ZNF600: variants seen among roughly 807,000 people sequenced by gnomAD.
The protein encoded by ZNF600 is zinc finger protein 600.
Under a neutral mutation model 7.3 loss-of-function variants are expected in ZNF600, and 4 were observed. The ratio of observed to expected loss-of-function variants is 0.55; its 90% CI spans 0.27 to 1.25. ZNF600 has a LOEUF of 1.25. ZNF600 is among the 50% of genes most tolerant of loss of function. The pLI is 0.12. For synonymous variants in ZNF600, 290 were observed against 308.9 expected, an observed-to-expected ratio of 0.94 and a Z score of 0.64; for missense variants, 911 against 922.1, an observed-to-expected ratio of 0.99 and a Z score of 0.16.
the ZNF600 span, among the ~76,000 whole-genome samples, chr19:52,833,039 G>C: frequency 6.6e-6 from 1 of 152,132 alleles, no homozygotes. Flanking sequence ...CCAAAGTGCT[G>C]GGATTACAGG....
At chr19:52,777,000 A>T (rs1384287391) in intron 2 of ZNF600, among the ~76,000 whole-genome samples, 2 of 151,936 alleles carry the variant, frequency 1.3e-5, no homozygotes, top group African/African-American at 4.8e-5. Flanking sequence ...AAACAAATTA[A>T]AAAATAAAGT....
chr19:52,822,614 A>T, the ZNF600 span, among the ~76,000 whole-genome samples: 72 of 152,316 alleles, frequency 4.7e-4, no homozygotes, highest in East Asian at 0.013. Context: ...TTTCAAGATA[A>T]ACACTAATCA....
chr19:52,796,404 C>T, the ZNF600 span, among the ~76,000 whole-genome samples: 1 of 152,144 alleles, frequency 6.6e-6, no homozygotes, highest in Non-Finnish European at 1.5e-5. Flanking sequence ...GCTTCCGGGT[C>T]ACAGGTAGAT....
At chr19:52,774,369 C>T (rs764095254) in intron 3 of ZNF600, among the ~76,000 whole-genome samples, 4 of 150,456 alleles carry the variant, frequency 2.7e-5, no homozygotes, top group Admixed American at 6.7e-5. Flanking sequence ...GCAGAGGTTG[C>T]GGTGAGCCAA....
At chr19:52,816,700 C>T in the ZNF600 span, among the ~76,000 whole-genome samples, 1 of 105,202 alleles carries the variant, frequency 9.5e-6, no homozygotes, top group East Asian at 2.9e-4. Flanking sequence ...GGGATGGTGG[C>T]GCGCACCTAT....
At chr19:52,807,791 G>T in the ZNF600 span, 1 of 843,340 alleles carries the variant, frequency 1.2e-6, no homozygotes, top group Non-Finnish European at 1.8e-6. Flanking sequence ...AAAGTTTTAT[G>T]CCTACTTTAC....
the ZNF600 span, among the ~76,000 whole-genome samples, chr19:52,822,074 C>T: frequency 3.7e-4 from 29 of 78,694 alleles, no homozygotes; most frequent in Admixed American, 4.9e-4. Flanking sequence ...TTCTTTTTCC[C>T]TTTTTTTTTT....
the ZNF600 span, chr19:52,821,531 G>C: frequency 6.6e-6 from 1 of 152,234 alleles, no homozygotes; most frequent in African/African-American, 2.4e-5. Flanking sequence ...CCCATGTACA[G>C]AAGTGCCGGG....
the ZNF600 span, among the ~76,000 whole-genome samples, chr19:52,815,265 C>T: frequency 1.4e-5 from 2 of 145,470 alleles, 1 homozygote; most frequent in East Asian, 4.1e-4. Context: ...CCTGTAATCT[C>T]AGCACTTTGG....
At chr19:52,790,236 C>T (rs145633541), upstream of ZNF600, among the ~76,000 whole-genome samples, 408 of 152,290 alleles carry the variant, frequency 2.7e-3, 2 homozygotes, top group African/African-American at 8.6e-3. Context: ...ATGTGCCCCA[C>T]GCCTTTAATT....
At chr19:52,775,116 T>G (rs1401388054) in intron 2 of ZNF600, among the ~76,000 whole-genome samples, 1 of 152,106 alleles carries the variant, frequency 6.6e-6, no homozygotes, top group East Asian at 1.9e-4. Context: ...GGCAGGCACC[T>G]GTAATCCCAG....
the ZNF600 span, among the ~76,000 whole-genome samples, chr19:52,811,735 G>GC: frequency 7.4e-5 from 11 of 148,404 alleles, no homozygotes; most frequent in East Asian, 6.2e-4. Flanking sequence ...TCTCCGCCCG[G>GC]CAGCCGCCCC....
intron 2 of ZNF600, among the ~76,000 whole-genome samples, chr19:52,776,718 TA>T (rs1338968789): frequency 3.3e-5 from 5 of 152,144 alleles, no homozygotes; most frequent in Non-Finnish European, 7.3e-5. Flanking sequence ...AAATAAAACT[TA>T]TTGCAAATGA....
At chr19:52,769,573 G>A (rs891744718) in intron 3 of ZNF600, among the ~76,000 whole-genome samples, 3 of 152,092 alleles carry the variant, frequency 2.0e-5, no homozygotes, top group African/African-American at 7.2e-5. Context: ...TATCAGCGCA[G>A]CCTGGCATTC....
At chr19:52,829,159 C>A in the ZNF600 span, among the ~76,000 whole-genome samples, 1 of 149,262 alleles carries the variant, frequency 6.7e-6, no homozygotes, top group Non-Finnish European at 1.5e-5. Flanking sequence ...CCACCTCACT[C>A]AGCCTTATTT....
chr19:52,801,514 C>T, the ZNF600 span: 4 of 1,614,072 alleles, frequency 2.5e-6, no homozygotes, highest in Non-Finnish European at 1.7e-6. Flanking sequence ...GTCATGGGTG[C>T]TGCATGGTCA....
chr19:52,772,392 C>T (rs2062637211), intron 3 of ZNF600, among the ~76,000 whole-genome samples: 1 of 151,918 alleles, frequency 6.6e-6, no homozygotes. Context: ...CACTTGAGGT[C>T]AGGAGTTCGA....
chr19:52,802,761 C>CTTTTTTT, the ZNF600 span, among the ~76,000 whole-genome samples: 1 of 127,582 alleles, frequency 7.8e-6, no homozygotes, highest in Non-Finnish European at 1.7e-5. Flanking sequence ...CACGTTGTGA[C>CTTTTTTT]TTTTTTTTTT....
chr19:52,831,304 G>T, the ZNF600 span, among the ~76,000 whole-genome samples: 3 of 151,822 alleles, frequency 2.0e-5, no homozygotes, highest in Non-Finnish European at 4.4e-5. Flanking sequence ...ATAATGACAG[G>T]TTTTTTCTGT....
Sources: allele counts gnomAD v4.1 joint callset (sites outside exome capture counted in the v4.1 genomes callset), GRCh38; gene constraint gnomAD v4.1.1; transcripts MANE v1.5; gene names NCBI Gene and HGNC (gene_info 2026-07-23, HGNC 2026-07-21).